Variants in FOCAD observed in about 807,000 individuals in gnomAD.
FOCAD encodes the protein focadhesin, also known as KIAA1797.
FOCAD carries 198 observed loss-of-function variants against 225.6 expected under a neutral mutation model. The ratio of observed to expected loss-of-function variants is 0.88; its 90% CI spans 0.78 to 0.99. FOCAD has a LOEUF of 0.99. Ranked by LOEUF, FOCAD falls within the 50% of genes least tolerant of loss-of-function variation. FOCAD has a pLI of 0.00. For synonymous variants in FOCAD, 897 were observed against 755.0 expected (o/e 1.19, Z -3.08); for missense variants, 2,713 against 2,123.6 (o/e 1.28, Z -5.46).
At chr9:20,966,985 TA>T (rs143138582) in intron 35 of FOCAD, among the ~76,000 whole-genome samples, 3,363 of 152,018 alleles carry the variant, frequency 0.022, 109 homozygotes, top group African/African-American at 0.076. Context: ...TTTTTCAAGA[TA>T]TTTTTTTTTA....
At chr9:20,978,279 C>A in intron 36 of FOCAD, 60 bp from the exon 37 acceptor site, 1 of 1,096,996 alleles carries the variant, frequency 9.1e-7, no homozygotes, top group Admixed American at 2.8e-5. Context: ...GATATTAAAG[C>A]CTGAAAATGA....
chr9:20,939,637 T>A (rs557633569), intron 28 of FOCAD, among the ~76,000 whole-genome samples: 1 of 152,104 alleles, frequency 6.6e-6, no homozygotes, highest in Non-Finnish European at 1.5e-5. Context: ...TTATTTTTGT[T>A]ACTAATAAGT....
At chr9:20,796,209 C>A (rs199742896) in intron 11 of FOCAD, among the ~76,000 whole-genome samples, 1 of 152,036 alleles carries the variant, frequency 6.6e-6, no homozygotes, top group Admixed American at 6.6e-5. Flanking sequence ...TAATCCAGTC[C>A]ACCGTTGTTG....
At chr9:20,743,887 A>G (rs1392226501) in intron 5 of FOCAD, among the ~76,000 whole-genome samples, 1 of 152,124 alleles carries the variant, frequency 6.6e-6, no homozygotes, top group Non-Finnish European at 1.5e-5. Flanking sequence ...TGGGTGGCTT[A>G]CCTATGCCTC....
intron 11 of FOCAD, among the ~76,000 whole-genome samples, chr9:20,798,271 G>A (rs547466216): frequency 6.6e-6 from 1 of 152,118 alleles, no homozygotes; most frequent in Admixed American, 6.5e-5. Context: ...GAATATTTTT[G>A]CATGGATGTT....
At chr9:20,982,293 T>C (rs1461111820) in intron 38 of FOCAD, 64 bp from the exon 39 acceptor site, 2 of 1,158,782 alleles carry the variant, frequency 1.7e-6, no homozygotes, top group East Asian at 2.4e-5. Context: ...TAATAATTTG[T>C]CAGAACATTT....
intron 18 of FOCAD, among the ~76,000 whole-genome samples, chr9:20,873,076 C>T (rs943000756): frequency 2.6e-5 from 4 of 151,994 alleles, no homozygotes; most frequent in African/African-American, 4.8e-5. Context: ...AATTGATGAA[C>T]GTTTGGGCTG....
At chr9:20,770,360 G>A in intron 8 of FOCAD, 122 bp downstream of exon 8, 1 of 865,426 alleles carries the variant, frequency 1.2e-6, no homozygotes, top group South Asian at 1.8e-5. Flanking sequence ...CAGGATGCAT[G>A]GTGCTGGCAT....
chr9:20,988,014 G>A (rs1841339649), intron 40 of FOCAD, among the ~76,000 whole-genome samples: 1 of 152,170 alleles, frequency 6.6e-6, no homozygotes, highest in South Asian at 2.1e-4. Flanking sequence ...TAGTTAGTTG[G>A]CATGCCAGAT....
rs141832071 is a variant in FOCAD at position 20,944,682 on chromosome 9, C to G, written c.3463C>G (p.Gln1155Glu). 7.7e-4 allele frequency: 1,239 copies of G among 1,613,980 alleles called. 2 individuals carry two copies. The highest frequency in any genetic ancestry group is 9.9e-4 in the Non-Finnish European group (1,171 of 1,179,978). ...LVLSLMSHSS[Q>E]MQSRVHVAAL... Reference sequence around the variant, plus strand: ...TCTGTCCCTCATGAGCCACAGCAGCCAAATGCAGTCCCGCGTTCACGTAGC... The same window carrying G: ...TCTGTCCCTCATGAGCCACAGCAGCGAAATGCAGTCCCGCGTTCACGTAGC... The change falls in exon 29 of 44, where the codon CAA becomes GAA. Residue 1155 changes from glutamine to glutamate, a missense_variant. By Grantham distance (29) the Gln-to-Glu change is conservative (BLOSUM62 2). Transcript: ENST00000338382.
chr9:20,714,213 G>A (rs182990575), intron 1 of FOCAD, among the ~76,000 whole-genome samples: 1 of 152,196 alleles, frequency 6.6e-6, no homozygotes, highest in Admixed American at 6.5e-5. Flanking sequence ...AAAATCCAAA[G>A]TGCTCCAATG....
intron 31 of FOCAD, 32 bp downstream of exon 31, chr9:20,948,425 T>C: frequency 1.3e-6 from 2 of 1,596,954 alleles, no homozygotes; most frequent in Non-Finnish European, 1.7e-6. Flanking sequence ...CTATTTCATA[T>C]TTTTATAATG....
chr9:20,756,584 C>T (rs1214138267), intron 5 of FOCAD, among the ~76,000 whole-genome samples: 1 of 152,170 alleles, frequency 6.6e-6, no homozygotes, highest in Non-Finnish European at 1.5e-5. Flanking sequence ...GTATTAAGGG[C>T]TCTACAGCTA....
intron 16 of FOCAD, 64 bp from the exon 17 acceptor site, chr9:20,865,862 G>T (rs1057093259): frequency 1.7e-6 from 2 of 1,183,738 alleles, no homozygotes; most frequent in Non-Finnish European, 2.4e-6. Context: ...TGCTACTTTG[G>T]ATTATTTAGT....
At chr9:20,918,472 C>T (rs1304028101) in intron 24 of FOCAD, among the ~76,000 whole-genome samples, 2 of 152,164 alleles carry the variant, frequency 1.3e-5, no homozygotes, top group African/African-American at 4.8e-5. Flanking sequence ...GCCTGTAATC[C>T]CAGCACTTTG....
At chr9:20,917,324 T>C (rs535728841) in intron 24 of FOCAD, among the ~76,000 whole-genome samples, 3 of 152,248 alleles carry the variant, frequency 2.0e-5, no homozygotes, top group East Asian at 3.9e-4. Context: ...TTTTGTTCCA[T>C]TGGTGTTATT....
At chr9:20,846,054 G>C (rs991275548) in intron 15 of FOCAD, among the ~76,000 whole-genome samples, 9 of 152,090 alleles carry the variant, frequency 5.9e-5, no homozygotes, top group Non-Finnish European at 8.8e-5. Context: ...GGAGTGCTCA[G>C]ATATCTTCTA....
intron 1 of FOCAD, among the ~76,000 whole-genome samples, chr9:20,707,069 G>A (rs2131445706): frequency 6.6e-6 from 1 of 152,302 alleles, no homozygotes; most frequent in East Asian, 1.9e-4. Flanking sequence ...GCTGGGAAAT[G>A]TAATGAAGTT....
At chr9:20,884,834 G>A (rs1830975216) in intron 20 of FOCAD, among the ~76,000 whole-genome samples, 1 of 151,898 alleles carries the variant, frequency 6.6e-6, no homozygotes, top group South Asian at 2.1e-4. Context: ...GGATGAGGCA[G>A]GCGGATCATG....
Sources: allele counts gnomAD v4.1 joint callset (sites outside exome capture counted in the v4.1 genomes callset), GRCh38; gene constraint gnomAD v4.1.1; transcripts MANE v1.5; gene names NCBI Gene and HGNC (gene_info 2026-07-23, HGNC 2026-07-21).